SYNE1: variants seen among roughly 807,000 people sequenced by gnomAD.
SYNE1 encodes the protein spectrin repeat containing nuclear envelope protein 1, also known as nesprin-1.
Under a neutral mutation model 1,111.0 loss-of-function variants are expected in SYNE1, and 616 were observed. That is an observed-to-expected ratio of 0.55 (90% CI 0.52 to 0.59). The LOEUF (loss-of-function observed/expected upper bound fraction) is 0.59, where lower values mean the gene tolerates loss of function less well. Among genes scored for constraint, SYNE1 ranks in the 20% least tolerant of loss-of-function variants. The pLI, the probability that SYNE1 is intolerant of heterozygous loss-of-function variation, is 0.00. For synonymous variants in SYNE1, 3,855 were observed against 3,825.8 expected (o/e 1.01, Z -0.28); for missense variants, 10,006 against 10,417.0 (o/e 0.96, Z 1.72).
At chr6:152,434,543 C>T (rs2098456498) in intron 33 of SYNE1, 1 of 152,234 alleles carries the variant, frequency 6.6e-6, no homozygotes, top group South Asian at 2.1e-4. Context: ...TCTTATGGTC[C>T]TGATTCCAAA....
chr6:152,219,049 A>T lies in SYNE1; in HGVS notation c.21998T>A (p.Leu7333Ter), dbSNP rs1220993453. Residue 7333 changes from leucine to a stop codon, truncating the protein, a stop_gained, in exon 120 of 146, where the codon TTG becomes TAG. Coordinates refer to ENST00000367255, the MANE Select transcript of SYNE1 (RefSeq NM_182961.4). LOFTEE classifies it high-confidence loss of function. ...GCAGAGAGCTTGCTCCAGGGCACAC[A>T]AGTGTTGACTCAAAGAGAGTTGATC... ...QSDQLSLSQH[L>*]CALEQALCKQ... 6.2e-7 allele frequency: 1 copy of T among 1,614,174 alleles called. No homozygotes were observed. The highest frequency in any genetic ancestry group is 8.5e-7 in the Non-Finnish European group (1 of 1,180,018).
chr6:152,197,276 T>G (rs1237285536), intron 127 of SYNE1, among the ~76,000 whole-genome samples: 1 of 152,242 alleles, frequency 6.6e-6, no homozygotes, highest in Non-Finnish European at 1.5e-5. Context: ...CTTTCTTATG[T>G]AGATAGTTGT....
chr6:152,409,218 AGT>A lies in SYNE1; in HGVS notation c.6388_6389del (p.Thr2130CysfsTer14). 6.2e-7 allele frequency: 1 copy of A among 1,614,022 alleles called. No homozygotes were observed. The highest frequency in any genetic ancestry group is 2.2e-5 in the East Asian group (1 of 44,858). On this transcript the variant is annotated frameshift_variant, in exon 44 of 146. Coordinates refer to ENST00000367255, the MANE Select transcript of SYNE1 (RefSeq NM_182961.4). LOFTEE classifies it high-confidence loss of function. ...GTTTGTAATTCATTTTGTTCTTGGCAGTTTCATGCTGTGGATAAATGATTTCT... is the reference window on the plus strand; with the variant it reads ...GTTTGTAATTCATTTTGTTCTTGGCATTCATGCTGTGGATAAATGATTTCT... ...DLKWAFSKHE[T>X]AKNKMNYKQK...
rs781246908 is a variant in SYNE1 at position 152,453,597 on chromosome 6, T to G, written c.3016A>C (p.Lys1006Gln). The G allele has an allele frequency of 2.5e-6, 4 of 1,614,232 alleles. No individual in the cohort carries two copies. Among genetic ancestry groups the G allele is most frequent in the Non-Finnish European group, 3.4e-6 (4 of 1,180,036 alleles). Reference protein sequence around the residue: ...GLQEAVRKLHKQWKDLQGEAP... With the variant: ...GLQEAVRKLHQQWKDLQGEAP... Reference sequence around the variant, plus strand: ...CTGTCCTGACTCACCTTCCATTGTTTGTGGAGCTTTCGAACAGCTTCCTGC... The same window carrying G: ...CTGTCCTGACTCACCTTCCATTGTTGGTGGAGCTTTCGAACAGCTTCCTGC... Residue 1006 changes from lysine (K) to glutamine (Q), a missense_variant, in exon 25 of 146, where the codon AAA becomes CAA. Lys to Gln is a moderately conservative substitution (Grantham distance 53, BLOSUM62 1). Transcript: ENST00000367255.
rs190867604 is a variant in SYNE1 at position 152,401,259 on chromosome 6, G to A, written c.6908C>T (p.Thr2303Met). The A allele has an allele frequency of 1.0e-4, 161 of 1,614,064 alleles. No homozygotes were observed. The highest frequency in any genetic ancestry group is 8.0e-4 in the East Asian group (36 of 44,874). Residue 2303 changes from threonine to methionine, a missense_variant, in exon 47 of 146, where the codon ACG (threonine) becomes ATG (methionine). Thr to Met is a moderately conservative substitution (Grantham distance 81). Transcript: ENST00000367255. ...EVAKGTLKDFTAQSTQVEKFI... is the reference protein window; with the variant it reads ...EVAKGTLKDFMAQSTQVEKFI... ...CTTCTCCACTTGTGTACTTTGAGCCGTGAAATCCTTCAGGGTTCCTTTTGC... is the reference window on the plus strand; with the variant it reads ...CTTCTCCACTTGTGTACTTTGAGCCATGAAATCCTTCAGGGTTCCTTTTGC...
Position 152,201,839 on chromosome 6 carries a change from T to G in SYNE1, c.23130A>C (p.Glu7710Asp). 6.2e-7 allele frequency: 1 copy of G among 1,613,944 alleles called. No individual in the cohort carries two copies. Among genetic ancestry groups the G allele is most frequent in the Non-Finnish European group, 8.5e-7 (1 of 1,179,826 alleles). The change falls in exon 127 of 146, where the codon GAA becomes GAC. Residue 7710 changes from glutamate to aspartate, a missense_variant. By Grantham distance (45) the Glu-to-Asp change is conservative. This residue lies in a region of SYNE1 where 2,182 missense variants were observed against 2,287.8 expected (regional missense o/e 0.95). Transcript: ENST00000367255. ...AGTAATTTACCTTGCAACGCATTTGTTCTGCATGGAGCTCTTCATGGTGAT... is the reference window on the plus strand; with the variant it reads ...AGTAATTTACCTTGCAACGCATTTGGTCTGCATGGAGCTCTTCATGGTGAT... ...LPDHHEELHAEQMRCKELENA... is the reference protein window; with the variant it reads ...LPDHHEELHADQMRCKELENA...
In SYNE1 at chr6:152,358,276, A is replaced by G; in HGVS notation, c.10608+97T>C. 9 of 1,534,138 alleles carry G rather than the reference A, an allele frequency of 5.9e-6. No individual in the cohort carries two copies. The South Asian group carries it at 9.0e-5, about 15-fold the overall frequency. ...TGCACTTAATGTGTATCAACTAGCCACTGGACTCAAGGTTTCTATTAACTT... is the reference window on the plus strand; with the variant it reads ...TGCACTTAATGTGTATCAACTAGCCGCTGGACTCAAGGTTTCTATTAACTT... On this transcript the variant is annotated intron_variant, in intron 66 of 145. Coordinates refer to ENST00000367255, the MANE Select transcript of SYNE1 (RefSeq NM_182961.4).
At chr6:152,234,935 C>T (rs1359437973) in intron 110 of SYNE1, 135 bp from the exon 111 acceptor site, 2 of 1,039,952 alleles carry the variant, frequency 1.9e-6, no homozygotes, top group Admixed American at 2.0e-5. Context: ...GAGGTTGGCA[C>T]TCTGAAATTT....
At chr6:152,480,855 T>A in intron 14 of SYNE1, 1 of 448,428 alleles carries the variant, frequency 2.2e-6, no homozygotes, top group Non-Finnish European at 4.5e-6. Flanking sequence ...CTCCTGCCCC[T>A]CTCTCTCTCC....
chr6:152,481,247 A>AT, intron 14 of SYNE1: 1 of 224,276 alleles, frequency 4.5e-6, no homozygotes, highest in South Asian at 6.5e-5. Flanking sequence ...TCAGACCTCT[A>AT]GATTGGAGGC....
At position 152,401,273 on chromosome 6, in the gene SYNE1, G is replaced by A; in HGVS notation, c.6894C>T (p.Thr2298=). 1.2e-6 allele frequency: 2 copies of A among 1,613,938 alleles called. No individual in the cohort carries two copies. The highest frequency in any genetic ancestry group is 2.2e-5 in the East Asian group (1 of 44,870). The part of the protein sequence containing the change: ...AKEITEVAKG[T]LKDFTAQSTQ... The stretch of plus-strand genomic sequence containing the variant: ...TACTTTGAGCCGTGAAATCCTTCAG[G>A]GTTCCTTTTGCTACTTCAGTTATTT... Residue 2298 remains threonine (T), a synonymous_variant, in exon 47 of 146, where the codon ACC becomes ACT. Transcript: ENST00000367255.
chr6:152,359,929 C>T (rs2096903575), intron 64 of SYNE1, among the ~76,000 whole-genome samples: 1 of 152,118 alleles, frequency 6.6e-6, no homozygotes, highest in East Asian at 1.9e-4. Flanking sequence ...ATTAGGAAAT[C>T]CTGTTAGCTC....
intron 8 of SYNE1, among the ~76,000 whole-genome samples, chr6:152,508,430 C>A (rs1287739586): frequency 6.6e-6 from 1 of 152,308 alleles, no homozygotes; most frequent in Non-Finnish European, 1.5e-5. Flanking sequence ...CAGACTCTTG[C>A]ACATCTTTGA....
intron 128 of SYNE1, among the ~76,000 whole-genome samples, chr6:152,184,789 GT>G (rs2069315992): frequency 6.6e-6 from 1 of 152,048 alleles, no homozygotes; most frequent in Non-Finnish European, 1.5e-5. Context: ...CAAGCACTGG[GT>G]GCAAACCCAG....
chr6:152,416,248 T>G, intron 41 of SYNE1, 139 bp downstream of exon 41: 1 of 1,202,846 alleles, frequency 8.3e-7, no homozygotes, highest in Non-Finnish European at 1.2e-6. Flanking sequence ...TCAGCTTAAT[T>G]TCTTTCTTTT....
At chr6:152,355,189 C>G (rs546243209) in intron 66 of SYNE1, among the ~76,000 whole-genome samples, 2 of 152,066 alleles carry the variant, frequency 1.3e-5, no homozygotes, top group South Asian at 4.2e-4. Context: ...AATCAACATA[C>G]ACACACACAC....
chr6:152,206,526 CA>C (rs2076540624), intron 125 of SYNE1, among the ~76,000 whole-genome samples, 164 bp from the exon 126 acceptor site: 2 of 152,138 alleles, frequency 1.3e-5, no homozygotes, highest in African/African-American at 4.8e-5. Flanking sequence ...AGTGAGAATA[CA>C]ATGGAGACAG....
chr6:152,604,180 A>G (rs3076673), intron 3 of SYNE1, among the ~76,000 whole-genome samples: 82 of 128,206 alleles, frequency 6.4e-4, no homozygotes, highest in Non-Finnish European at 9.6e-4. Context: ...GTGTGTGTGT[A>G]TGTGTGTGTG....
Position 152,325,949 on chromosome 6 carries a change from A to C in SYNE1, c.15438+9T>G. 1 of 1,614,144 alleles carries C rather than the reference A, an allele frequency of 6.2e-7. No individual in the cohort carries two copies. Among genetic ancestry groups the C allele is most frequent in the Non-Finnish European group, 8.5e-7 (1 of 1,180,022 alleles). On this transcript the variant is annotated intron_variant, in intron 80 of 145. Transcript: ENST00000367255. ...AAAGGATTTTTTTTAAATGGCCCAA[A>C]ACTCTGACCTTGTGTTCTGACAATT...
Sources: gnomAD v4.1 joint callset for allele counts (sites outside exome capture counted in the v4.1 genomes callset) on GRCh38, gnomAD v4.1.1 for gene constraint, gnomAD v4.1.1 regional missense constraint, MANE v1.5 for transcripts, NCBI Gene and HGNC (gene_info 2026-07-23, HGNC 2026-07-21) for gene names.